Variants in CGGBP1 observed in about 807,000 individuals in gnomAD.
CGGBP1 encodes CGG triplet repeat binding protein 1, also known as CGG triplet repeat-binding protein 1.
In CGGBP1, 4 loss-of-function variants were observed where a neutral mutation model predicts 11.4. That is an observed-to-expected ratio of 0.35 (90% confidence interval 0.17 to 0.80). The LOEUF is 0.80. CGGBP1 is among the 30% of genes least tolerant of loss of function. The pLI, the probability that CGGBP1 is intolerant of heterozygous loss-of-function variation, is 0.52. For synonymous variants in CGGBP1, 76 were observed against 74.1 expected (o/e 1.03, Z -0.13); for missense variants, 135 against 202.1 (o/e 0.67, Z 2.01).
chr3:88,141,039 G>T (rs769164750), exon 2 of CGGBP1: 2 of 1,593,262 alleles, frequency 1.3e-6, no homozygotes, highest in Non-Finnish European at 1.7e-6. Flanking sequence ...ATTTGATTCA[G>T]ATGATGAAAG....
chr3:88,108,945 A>G (rs1317783792), intron 2 of CGGBP1, among the ~76,000 whole-genome samples: 1 of 152,180 alleles, frequency 6.6e-6, no homozygotes, highest in East Asian at 1.9e-4. Flanking sequence ...CACACCTCAA[A>G]CCGCAAAATT....
At chr3:88,125,092 G>C (rs911102216) in intron 2 of CGGBP1, among the ~76,000 whole-genome samples, 1 of 151,908 alleles carries the variant, frequency 6.6e-6, no homozygotes, top group Non-Finnish European at 1.5e-5. Context: ...ACACGCGCCT[G>C]TAGTCCCAGC....
chr3:88,089,190 T>C (rs1207126068), intron 2 of CGGBP1, among the ~76,000 whole-genome samples: 1 of 60,484 alleles, frequency 1.7e-5, no homozygotes, highest in African/African-American at 4.3e-5. Context: ...AGCTTACGTA[T>C]TAAAAAAAAA....
In CGGBP1 at chr3:88,106,540, G is replaced by A. The variant is rs191468074; in HGVS notation, c.-229+34430C>T. ...TTTTTGTAGAGACAAGGTTTCGTTC[G>A]CCATGTTGGCCAGGCTGGTCTCAAA... is the stretch of plus-strand genomic sequence containing the variant. On this transcript the variant is annotated intron_variant, in intron 2 of 3. Coordinates refer to the CGGBP1 transcript ENST00000462901. 3.9e-5 allele frequency among the ~76,000 whole-genome samples: 6 copies of A among 152,034 alleles called. No individual in the cohort carries two copies. The East Asian group carries it at 7.8e-4, about 20-fold the overall frequency.
rs1235103970 is a variant in CGGBP1 at position 88,119,975 on chromosome 3, T to C, written c.-229+20995A>G. Among the ~76,000 whole-genome samples, 8 of 152,156 alleles carry C rather than the reference T, an allele frequency of 5.3e-5. No individual in the cohort carries two copies. The East Asian group carries it at 7.7e-4, about 15-fold the overall frequency. ...ATGTACATTTATTACTTTTTACTTATTAAACAAGGAATAATTATTCATATT... is the reference window on the plus strand; with the variant it reads ...ATGTACATTTATTACTTTTTACTTACTAAACAAGGAATAATTATTCATATT... On this transcript the variant is annotated intron_variant, in intron 2 of 3. Coordinates refer to the CGGBP1 transcript ENST00000462901.
chr3:88,116,584 ATATAT>A (rs775508044), intron 2 of CGGBP1, among the ~76,000 whole-genome samples: 337 of 151,930 alleles, frequency 2.2e-3, no homozygotes, highest in Non-Finnish European at 3.3e-3. Context: ...ACACATGCAC[ATATAT>A]TATATATATG....
At chr3:88,070,172 A>G (rs1325029218) in intron 2 of CGGBP1, among the ~76,000 whole-genome samples, 1 of 152,150 alleles carries the variant, frequency 6.6e-6, no homozygotes, top group Non-Finnish European at 1.5e-5. Flanking sequence ...GTACCTTTTG[A>G]CTTAGTCATT....
intron 2 of CGGBP1, among the ~76,000 whole-genome samples, chr3:88,131,233 TAC>T (rs1706442256): frequency 6.6e-6 from 1 of 152,204 alleles, no homozygotes; most frequent in Admixed American, 6.5e-5. Flanking sequence ...ATAGAAAAAG[TAC>T]AGTAAAAATG....
At chr3:88,130,349 G>T (rs1050175604) in intron 2 of CGGBP1, among the ~76,000 whole-genome samples, 19 of 152,122 alleles carry the variant, frequency 1.2e-4, no homozygotes, top group African/African-American at 4.6e-4. Flanking sequence ...AATCTGAAAT[G>T]ATCATGGGCT....
At chr3:88,131,775 T>C (rs553533961) in intron 2 of CGGBP1, among the ~76,000 whole-genome samples, 1 of 152,252 alleles carries the variant, frequency 6.6e-6, no homozygotes, top group East Asian at 1.9e-4. Flanking sequence ...CTTTTCTATA[T>C]TTCTGAATGT....
chr3:88,135,927 T>C (rs1324827506), intron 2 of CGGBP1, among the ~76,000 whole-genome samples: 1 of 152,124 alleles, frequency 6.6e-6, no homozygotes, highest in Non-Finnish European at 1.5e-5. Context: ...AATAATACAT[T>C]TTAATTTTTT....
At chr3:88,122,179 G>C (rs772656310) in intron 2 of CGGBP1, among the ~76,000 whole-genome samples, 5 of 152,152 alleles carry the variant, frequency 3.3e-5, no homozygotes, top group Non-Finnish European at 7.4e-5. Flanking sequence ...ATAGGATTTA[G>C]ATACGTTCAT....
chr3:88,139,531 G>C, intron 2 of CGGBP1: 1 of 1,613,396 alleles, frequency 6.2e-7, no homozygotes, highest in Non-Finnish European at 8.5e-7. Context: ...GAAATAAATT[G>C]TTCTAGTTCT....
rs564001744 is a variant in CGGBP1 at position 88,104,787 on chromosome 3, T to G, written c.-229+36183A>C. Among the ~76,000 whole-genome samples the G allele has an allele frequency of 6.6e-5, 10 of 152,260 alleles. No homozygotes were observed. The South Asian group carries it at 2.1e-3, about 32-fold the overall frequency. ...AGAAGAGGTCAAACAGAACAATGAATAGACAGAACAAACAAAACTATTAAG... is the reference window on the plus strand; with the variant it reads ...AGAAGAGGTCAAACAGAACAATGAAGAGACAGAACAAACAAAACTATTAAG... On this transcript the variant is annotated intron_variant, in intron 2 of 3. Coordinates refer to the CGGBP1 transcript ENST00000462901.
At chr3:88,095,502 AG>A (rs1366119967) in intron 2 of CGGBP1, 6 of 464,410 alleles carry the variant, frequency 1.3e-5, no homozygotes, top group Non-Finnish European at 2.1e-5. Flanking sequence ...CATAATTTGT[AG>A]ACAGTTCACA....
At chr3:88,095,799 C>T (rs1328621577) in intron 2 of CGGBP1, 1 of 439,498 alleles carries the variant, frequency 2.3e-6, no homozygotes, top group East Asian at 6.8e-5. Context: ...GAGCTAAAGG[C>T]AATCCAAGTT....
chr3:88,058,451 C>T (rs1373343599), intron 1 of CGGBP1, among the ~76,000 whole-genome samples: 2 of 152,120 alleles, frequency 1.3e-5, no homozygotes, highest in Admixed American at 1.3e-4. Context: ...CCCGGGGGTT[C>T]GGGCGGGGGC....
intron 2 of CGGBP1, among the ~76,000 whole-genome samples, chr3:88,116,268 C>T (rs1437967627): frequency 1.3e-5 from 2 of 152,078 alleles, no homozygotes; most frequent in African/African-American, 4.8e-5. Flanking sequence ...CCCCTGTAAT[C>T]CCAGCACTTT....
chr3:88,145,971 T>C (rs949970379), intron 1 of CGGBP1, among the ~76,000 whole-genome samples: 8 of 152,200 alleles, frequency 5.3e-5, no homozygotes, highest in African/African-American at 1.7e-4. Context: ...CACACACTTT[T>C]CCCTACAAAT....
Sources: gnomAD v4.1 joint callset for allele counts (sites outside exome capture counted in the v4.1 genomes callset) on GRCh38, gnomAD v4.1.1 for gene constraint, MANE v1.5 for transcripts, NCBI Gene and HGNC (gene_info 2026-07-23, HGNC 2026-07-21) for gene names.